Variants in USP53 observed in about 807,000 individuals in gnomAD.
USP53 encodes the protein ubiquitin specific peptidase 53.
A neutral mutation model predicts 94.9 loss-of-function variants in USP53; 71 were observed. The observed-to-expected ratio is 0.75, with a 90% CI of 0.62 to 0.91. The LOEUF (loss-of-function observed/expected upper bound fraction) is 0.91, where lower values mean the gene tolerates loss of function less well. Among genes scored for constraint, USP53 ranks in the 40% least tolerant of loss-of-function variants. USP53 has a pLI of 0.00. For missense variants in USP53, 1,173 were observed against 1,281.0 expected, an observed-to-expected ratio of 0.92 and a Z score of 1.29; for synonymous variants, 375 against 422.7, an observed-to-expected ratio of 0.89 and a Z score of 1.39.
chr4:119,236,268 T>G (rs1342588488), intron 4 of USP53, among the ~76,000 whole-genome samples: 2 of 152,234 alleles, frequency 1.3e-5, no homozygotes, highest in Non-Finnish European at 2.9e-5. Context: ...ATATCTTATT[T>G]AAAAACTATT....
intron 5 of USP53, 107 bp downstream of exon 5, chr4:119,240,010 A>G: frequency 8.8e-7 from 1 of 1,139,050 alleles, no homozygotes; most frequent in Non-Finnish European, 1.1e-6. Flanking sequence ...ATAGACTAGA[A>G]TGACTTTTTA....
Position 119,229,195 on chromosome 4 carries a change from T to C in USP53, c.-664-6095T>C, listed in dbSNP as rs185781526. ...CATCCATCCAGCCATCTATATATGG[T>C]GCTATTATGTGAAATAAAGACTAAA... On this transcript the variant is annotated intron_variant, in intron 3 of 18. Transcript: ENST00000692078. Among the ~76,000 whole-genome samples the C allele has an allele frequency of 8.4e-3, 1,274 of 152,306 alleles. 13 individuals are homozygous for C. The highest frequency in any genetic ancestry group is 0.015 in the Non-Finnish European group (1,001 of 68,020).
At chr4:119,278,461 G>T (rs1392825059) in intron 17 of USP53, among the ~76,000 whole-genome samples, 2 of 145,454 alleles carry the variant, frequency 1.4e-5, no homozygotes, top group South Asian at 4.6e-4. Context: ...GGTTTCTGCC[G>T]AGAGATCCAC....
At chr4:119,285,291 C>CT (rs1050918206) in intron 17 of USP53, among the ~76,000 whole-genome samples, 2 of 151,652 alleles carry the variant, frequency 1.3e-5, no homozygotes, top group East Asian at 1.9e-4. Flanking sequence ...AATGGACTTT[C>CT]TTTTTTTTAT....
Position 119,270,029 on chromosome 4 carries a change from T to C in USP53, c.1435+192T>C, listed in dbSNP as rs184838365. Among the ~76,000 whole-genome samples, 4 of 140,454 alleles carry C rather than the reference T, an allele frequency of 2.8e-5. No individual in the cohort carries two copies. The Admixed American group carries it at 2.9e-4, about 10-fold the overall frequency. The allele number at this position is 140,454 out of a possible 152,430, so 92.1% of individuals were successfully genotyped here. ...AATTACATATATTTCTGTATATGTA[T>C]AAATATATAAATTATATATAATTTA... On this transcript the variant is annotated intron_variant, in intron 15 of 18. Transcript: ENST00000692078.
At position 119,267,332 on chromosome 4, in the gene USP53, T is replaced by G; in HGVS notation, c.985T>G (p.Trp329Gly). 6.2e-7 allele frequency: 1 copy of G among 1,613,486 alleles called. No homozygotes were observed. The change falls in exon 13 of 19, where the codon TGG (tryptophan) becomes GGG (glycine). Residue 329 changes from tryptophan to glycine, a missense_variant. By Grantham distance (184) the Trp-to-Gly change is radical. Transcript: ENST00000692078. ...DANVKEIGTR[W>G]KDVVSKCIRC... The stretch of plus-strand genomic sequence containing the variant: ...GTTTTTTTAAAAGATTGGAACTAGA[T>G]GGAAAGATGTTGTCTCCAAATGCAT...
chr4:119,214,348 ATT>A (rs1233679919), intron 2 of USP53, 126 bp downstream of exon 2: 1 of 152,078 alleles, frequency 6.6e-6, no homozygotes. Context: ...CATGAAAGTG[ATT>A]TATTAAGATT....
intron 5 of USP53, among the ~76,000 whole-genome samples, chr4:119,244,450 C>T (rs772244293): frequency 6.6e-5 from 10 of 152,032 alleles, no homozygotes; most frequent in Non-Finnish European, 1.2e-4. Flanking sequence ...TCTGAGGACA[C>T]GACTAAAAGA....
Position 119,292,993 on chromosome 4 carries a change from T to G in USP53, c.3004T>G (p.Ser1002Ala). The G allele has an allele frequency of 6.2e-7, 1 of 1,614,126 alleles. No homozygotes were observed. Reference protein sequence around the residue: ...FGNTPNCPSSSSTNDFQANSG... With the variant: ...FGNTPNCPSSASTNDFQANSG... ...CAACACACCAAACTGTCCATCCAGC[T>G]CCTCAACTAACGATTTTCAGGCAAA... The change falls in exon 19 of 19, where the codon TCC becomes GCC. Residue 1002 changes from serine to alanine, a missense_variant. By Grantham distance (99) the Ser-to-Ala change is moderately conservative. Transcript: ENST00000692078.
intron 6 of USP53, among the ~76,000 whole-genome samples, chr4:119,247,459 G>A (rs1027126762): frequency 1.1e-4 from 17 of 152,100 alleles, no homozygotes; most frequent in Admixed American, 2.6e-4. Context: ...GACTACCCTA[G>A]GTAAAAGGTA....
chr4:119,279,554 G>A (rs1753188027), intron 17 of USP53, among the ~76,000 whole-genome samples: 1 of 150,760 alleles, frequency 6.6e-6, no homozygotes, highest in South Asian at 2.1e-4. Flanking sequence ...CTGTCTTTTT[G>A]TTTGTCTGTG....
chr4:119,239,968 T>G (rs1747299877), intron 5 of USP53, 65 bp downstream of exon 5: 1 of 1,275,974 alleles, frequency 7.8e-7, no homozygotes, highest in Non-Finnish European at 1.0e-6. Flanking sequence ...GTTTAATGCT[T>G]CTTTAGCTCA....
chr4:119,219,160 A>G (rs1196084325), intron 3 of USP53: 3 of 145,884 alleles, frequency 2.1e-5, no homozygotes, highest in Non-Finnish European at 4.6e-5. Flanking sequence ...CAACTATTAT[A>G]TTAGTTTCCT....
At position 119,259,894 on chromosome 4, in the gene USP53, C is replaced by T; in HGVS notation, c.644C>T (p.Ala215Val). Reference sequence around the variant, plus strand: ...ATGTTTGCAGAATTGCTACAAGCAGCAAATACAACAGATGACTATAGGAAA... The same window carrying T: ...ATGTTTGCAGAATTGCTACAAGCAGTAAATACAACAGATGACTATAGGAAA... ...PEMFAELLQA[A>V]NTTDDYRKCP... is the part of the protein sequence containing the mutation. The change falls in exon 10 of 19, where the codon GCA (alanine) becomes GTA (valine). Residue 215 changes from alanine (A) to valine (V), a missense_variant. By Grantham distance (64) the Ala-to-Val change is moderately conservative (BLOSUM62 0). Coordinates refer to ENST00000692078, the MANE Select transcript of USP53 (RefSeq NM_001371395.1). 2 of 1,611,274 alleles carry T rather than the reference C, an allele frequency of 1.2e-6. No individual in the cohort carries two copies. Among genetic ancestry groups the T allele is most frequent in the Non-Finnish European group, 1.7e-6 (2 of 1,178,652 alleles).
intron 5 of USP53, among the ~76,000 whole-genome samples, chr4:119,240,303 G>T (rs976249014): frequency 1.3e-5 from 2 of 152,054 alleles, no homozygotes; most frequent in African/African-American, 2.4e-5. Flanking sequence ...CAGAGTTTTT[G>T]ATTTCAGTAC....
At position 119,256,368 on chromosome 4, in the gene USP53, G is replaced by A; in HGVS notation, c.486+9G>A. ...TGACTCTGTATGAACAGGTGAGATG[G>A]CTTGATTATTATTTAGATATTGTAG... On this transcript the variant is annotated intron_variant, in intron 8 of 18. Transcript: ENST00000692078. The A allele has an allele frequency of 1.2e-6, 2 of 1,613,262 alleles. No individual in the cohort carries two copies. The highest frequency in any genetic ancestry group is 1.7e-6 in the Non-Finnish European group (2 of 1,179,364).
chr4:119,220,768 A>C (rs1744403266), intron 3 of USP53: 1 of 152,232 alleles, frequency 6.6e-6, no homozygotes, highest in Admixed American at 6.5e-5. Flanking sequence ...TGTTACAGAT[A>C]GGTACAGGGA....
rs565079108 is a variant in USP53 at position 119,251,888 on chromosome 4, T to C, written c.372+3006T>C. ...GTGAGTTTGTCATAAATCTCTCTTA[T>C]TATGTTGAGATACATTCTATTGATA... On this transcript the variant is annotated intron_variant, in intron 7 of 18. Coordinates refer to ENST00000692078, the MANE Select transcript of USP53 (RefSeq NM_001371395.1). 3.3e-5 allele frequency among the ~76,000 whole-genome samples: 5 copies of C among 152,366 alleles called. No individual in the cohort carries two copies. In the South Asian group the frequency reaches 1.0e-3, roughly 32 times the overall value.
At chr4:119,248,992 A>C (rs1748614060) in intron 7 of USP53, 110 bp downstream of exon 7, 4 of 1,382,616 alleles carry the variant, frequency 2.9e-6, no homozygotes, top group Non-Finnish European at 3.9e-6. Flanking sequence ...GAAAAATGTC[A>C]AAACTGTCCA....
Sources: allele counts gnomAD v4.1 joint callset (sites outside exome capture counted in the v4.1 genomes callset), GRCh38; gene constraint gnomAD v4.1.1; transcripts MANE v1.5; gene names NCBI Gene and HGNC (gene_info 2026-07-23, HGNC 2026-07-21).